TANGO6: variants seen among roughly 807,000 people sequenced by gnomAD.
TANGO6 encodes the protein transport and golgi organization 6 homolog, also known as transport and Golgi organization protein 6 homolog.
In TANGO6, 90 loss-of-function variants were observed where a neutral mutation model predicts 114.2. The observed-to-expected ratio is 0.79, with a 90% CI of 0.66 to 0.94. The LOEUF (loss-of-function observed/expected upper bound fraction) is 0.94, where lower values mean the gene tolerates loss of function less well. TANGO6 is among the 40% of genes least tolerant of loss of function. The pLI, the probability that TANGO6 is intolerant of heterozygous loss-of-function variation, is 0.00. For missense variants in TANGO6, 1,274 were observed against 1,315.3 expected (o/e 0.97, Z 0.49); for synonymous variants, 477 against 509.8 (o/e 0.94, Z 0.87).
At chr16:68,998,423 A>C (rs1964011889) in intron 15 of TANGO6, among the ~76,000 whole-genome samples, 1 of 152,184 alleles carries the variant, frequency 6.6e-6, no homozygotes, top group Non-Finnish European at 1.5e-5. Context: ...ACTAAAGACA[A>C]ATCATGGTAG....
Position 68,880,585 on chromosome 16 carries a change from G to C in TANGO6, c.1332G>C (p.Leu444Phe). 6.2e-7 allele frequency: 1 copy of C among 1,612,834 alleles called. No individual in the cohort carries two copies. Among genetic ancestry groups the C allele is most frequent in the Non-Finnish European group, 8.5e-7 (1 of 1,179,418 alleles). ...GTGACATGGTACCAGGAACTATTTT[G>C]GTGACAGAAGAAGAACTTAGTAGAT... ...SESDMVPGTI[L>F]VTEEELSRCI... The change falls in exon 7 of 18, where the codon TTG becomes TTC. Residue 444 changes from leucine (L) to phenylalanine (F), a missense_variant. Coordinates refer to ENST00000261778, the MANE Select transcript of TANGO6 (RefSeq NM_024562.2).
intron 15 of TANGO6, among the ~76,000 whole-genome samples, chr16:68,997,794 G>A (rs571093967): frequency 4.6e-4 from 70 of 152,262 alleles, no homozygotes; most frequent in African/African-American, 1.7e-3. Flanking sequence ...GAACACCTCT[G>A]ACATATTTCC....
intron 14 of TANGO6, among the ~76,000 whole-genome samples, chr16:68,966,316 C>T (rs1405114741): frequency 6.6e-6 from 1 of 151,968 alleles, no homozygotes; most frequent in Non-Finnish European, 1.5e-5. Flanking sequence ...CCAGCCAGAC[C>T]AACATGGTGA....
chr16:68,910,158 G>C (rs1025670648), intron 11 of TANGO6, among the ~76,000 whole-genome samples: 1 of 152,162 alleles, frequency 6.6e-6, no homozygotes, highest in Non-Finnish European at 1.5e-5. Context: ...TGATTGTCAC[G>C]CTTAAATCTG....
At chr16:68,939,222 AATT>A (rs1268153432) in intron 14 of TANGO6, among the ~76,000 whole-genome samples, 1 of 152,120 alleles carries the variant, frequency 6.6e-6, no homozygotes, top group Non-Finnish European at 1.5e-5. Flanking sequence ...AAACTAAACA[AATT>A]AAAAGACCAT....
chr16:68,975,307 G>T (rs1267327046), intron 15 of TANGO6, among the ~76,000 whole-genome samples: 6 of 152,068 alleles, frequency 3.9e-5, no homozygotes, highest in Admixed American at 2.0e-4. Context: ...AGTTACTCTA[G>T]GCTGTATAAG....
At chr16:69,074,798 CTGTGTG>C (rs60702668) in intron 17 of TANGO6, among the ~76,000 whole-genome samples, 11,489 of 135,164 alleles carry the variant, frequency 0.085, 495 homozygotes, top group South Asian at 0.17. Flanking sequence ...GTTCGAATGC[CTGTGTG>C]TGTGTGTGTG....
chr16:69,005,577 C>T (rs924608735), intron 15 of TANGO6, among the ~76,000 whole-genome samples: 9 of 152,128 alleles, frequency 5.9e-5, no homozygotes, highest in African/African-American at 2.2e-4. Flanking sequence ...GCAGGTGTAT[C>T]ACCTGAGGTC....
At chr16:69,047,145 C>T (rs577217870) in intron 17 of TANGO6, among the ~76,000 whole-genome samples, 23 of 143,270 alleles carry the variant, frequency 1.6e-4, no homozygotes, top group African/African-American at 5.7e-4. Flanking sequence ...TGTGCAACTG[C>T]ACTCCAGCCT....
At chr16:69,063,579 G>A (rs371714873) in intron 17 of TANGO6, among the ~76,000 whole-genome samples, 2 of 135,362 alleles carry the variant, frequency 1.5e-5, no homozygotes, top group South Asian at 2.4e-4. Context: ...CCAGCTACTC[G>A]AGAAGCTGAG....
Position 68,843,752 on chromosome 16 carries a change from C to T in TANGO6, c.94+41C>T, listed in dbSNP as rs778331932. 8.7e-6 allele frequency: 14 copies of T among 1,600,126 alleles called. No individual in the cohort carries two copies. The South Asian group carries it at 1.1e-4, about 13-fold the overall frequency. ...TCCGCGCCGGGCTGGACCCGGGACTCTCAGGGCCGCCCGGCTTCCGGGGCT... is the reference window on the plus strand; with the variant it reads ...TCCGCGCCGGGCTGGACCCGGGACTTTCAGGGCCGCCCGGCTTCCGGGGCT... On this transcript the variant is annotated intron_variant, in intron 1 of 17. Coordinates refer to ENST00000261778, the MANE Select transcript of TANGO6 (RefSeq NM_024562.2).
At chr16:69,028,558 G>C (rs553261694) in intron 16 of TANGO6, among the ~76,000 whole-genome samples, 1 of 151,972 alleles carries the variant, frequency 6.6e-6, no homozygotes. Context: ...GCTTGAACAC[G>C]GGAGGCGGAG....
chr16:69,074,061 G>A (rs951239271), intron 17 of TANGO6, among the ~76,000 whole-genome samples: 1 of 152,068 alleles, frequency 6.6e-6, no homozygotes, highest in Non-Finnish European at 1.5e-5. Context: ...AGCCCAGGAG[G>A]TAACTGCCCA....
At chr16:69,031,207 A>C (rs1018232828) in intron 16 of TANGO6, among the ~76,000 whole-genome samples, 3 of 152,070 alleles carry the variant, frequency 2.0e-5, no homozygotes, top group African/African-American at 7.2e-5. Flanking sequence ...CTACAGAATC[A>C]ATCCCAGGAA....
At chr16:69,063,808 CTTATTATTATTATTATTATTATTA>C (rs1179628552) in intron 17 of TANGO6, among the ~76,000 whole-genome samples, 5 of 125,582 alleles carry the variant, frequency 4.0e-5, no homozygotes, top group African/African-American at 9.8e-5. Flanking sequence ...TCTTCTTCTT[CTTATTATTATTATTATTATTATTA>C]TTATTATTAT....
chr16:69,083,416 G>C, intron 17 of TANGO6, 69 bp from the exon 18 acceptor site: 1 of 1,504,204 alleles, frequency 6.6e-7, no homozygotes, highest in Non-Finnish European at 8.9e-7. Context: ...CAGGAGGAGA[G>C]GGCAGTTCAG....
Position 69,084,244 on chromosome 16 carries a change from C to T in TANGO6, c.*583C>T, listed in dbSNP as rs954815240. Reference sequence around the variant, plus strand: ...AGGGCTAAATCTGGTCCTCTGGTGTCGAGATGGAAAACTGTGGAGTTGAAG... The same window carrying T: ...AGGGCTAAATCTGGTCCTCTGGTGTTGAGATGGAAAACTGTGGAGTTGAAG... On this transcript the variant is annotated 3_prime_UTR_variant, in exon 18 of 18. Transcript: ENST00000261778. 1 of 152,336 alleles carries T rather than the reference C, an allele frequency of 6.6e-6. No individual in the cohort carries two copies. The highest frequency in any genetic ancestry group is 1.9e-4 in the East Asian group (1 of 5,334). The allele number at this position is 152,336 out of a possible 1,614,324, so 9.4% of individuals were successfully genotyped here.
chr16:68,967,123 C>A (rs1282442726), intron 14 of TANGO6, among the ~76,000 whole-genome samples: 1 of 152,048 alleles, frequency 6.6e-6, no homozygotes, highest in Non-Finnish European at 1.5e-5. Flanking sequence ...GCTGTGTTGC[C>A]CAGGCTGGAA....
chr16:68,896,232 C>G (rs545972641), intron 7 of TANGO6, among the ~76,000 whole-genome samples: 8 of 152,138 alleles, frequency 5.3e-5, no homozygotes, highest in East Asian at 1.9e-4. Context: ...GTCTCAAACT[C>G]CTGGACTCAA....
Sources: gnomAD v4.1 joint callset for allele counts (sites outside exome capture counted in the v4.1 genomes callset) on GRCh38, gnomAD v4.1.1 for gene constraint, MANE v1.5 for transcripts, NCBI Gene and HGNC (gene_info 2026-07-23, HGNC 2026-07-21) for gene names.